Variants in CDH12 observed in about 807,000 individuals in gnomAD.
The protein encoded by CDH12 is cadherin-12.
CDH12 carries 41 observed loss-of-function variants against 74.1 expected under a neutral mutation model. The ratio of observed to expected loss-of-function variants is 0.55; its 90% CI spans 0.43 to 0.72. The LOEUF (loss-of-function observed/expected upper bound fraction) is 0.72. Ranked by LOEUF, CDH12 falls within the 30% of genes least tolerant of loss-of-function variation. CDH12 has a pLI of 0.00. For missense variants in CDH12, 945 were observed against 977.2 expected, an observed-to-expected ratio of 0.97 and a Z score of 0.44; for synonymous variants, 399 against 355.0, an observed-to-expected ratio of 1.12 and a Z score of -1.39.
At chr5:22,036,990 G>A (rs780934320) in intron 5 of CDH12, among the ~76,000 whole-genome samples, 20 of 152,206 alleles carry the variant, frequency 1.3e-4, no homozygotes, top group East Asian at 9.7e-4. Flanking sequence ...GGTAGTTTTT[G>A]TTAATCAACT....
At chr5:22,236,712 C>A (rs950855105) in intron 3 of CDH12, among the ~76,000 whole-genome samples, 1 of 152,074 alleles carries the variant, frequency 6.6e-6, no homozygotes, top group African/African-American at 2.4e-5. Flanking sequence ...TGCCACTGCA[C>A]GCCACTCTGG....
chr5:22,580,540 A>C, intron 1 of CDH12: 1 of 473,342 alleles, frequency 2.1e-6, no homozygotes, highest in Non-Finnish European at 4.3e-6. Flanking sequence ...ATGGTGGCTC[A>C]GAGATGCTCA....
chr5:21,936,394 T>C (rs1323196036), intron 6 of CDH12, among the ~76,000 whole-genome samples: 1 of 152,186 alleles, frequency 6.6e-6, no homozygotes, highest in Non-Finnish European at 1.5e-5. Flanking sequence ...TCATTCACTC[T>C]TTTATTTTTT....
chr5:22,025,009 C>T (rs554844764), intron 5 of CDH12, among the ~76,000 whole-genome samples: 2 of 152,170 alleles, frequency 1.3e-5, no homozygotes, highest in African/African-American at 4.8e-5. Flanking sequence ...CCAACTGATA[C>T]TCAGCTTAAA....
At chr5:22,339,266 T>C (rs140280343) in intron 3 of CDH12, among the ~76,000 whole-genome samples, 2 of 152,338 alleles carry the variant, frequency 1.3e-5, no homozygotes, top group Non-Finnish European at 2.9e-5. Context: ...AGACAAATCA[T>C]GCCCCTGAGC....
At chr5:22,361,209 G>A (rs908736009) in intron 3 of CDH12, among the ~76,000 whole-genome samples, 2 of 152,122 alleles carry the variant, frequency 1.3e-5, no homozygotes, top group African/African-American at 4.8e-5. Context: ...ATCTCCTTAG[G>A]CTGATAAGCA....
At chr5:22,666,414 C>G (rs1445693649) in intron 1 of CDH12, among the ~76,000 whole-genome samples, 7 of 151,100 alleles carry the variant, frequency 4.6e-5, no homozygotes, top group Non-Finnish European at 1.0e-4. Context: ...CTCAGCCTCC[C>G]GAGTAGCTGG....
At chr5:22,280,991 C>A (rs1002468796) in intron 3 of CDH12, among the ~76,000 whole-genome samples, 1 of 152,106 alleles carries the variant, frequency 6.6e-6, no homozygotes, top group Admixed American at 6.5e-5. Context: ...ACTGGCAAAC[C>A]GAATCCAGCA....
At chr5:22,425,095 G>C (rs1233273132) in intron 2 of CDH12, among the ~76,000 whole-genome samples, 1 of 146,170 alleles carries the variant, frequency 6.8e-6, no homozygotes, top group Non-Finnish European at 1.5e-5. Flanking sequence ...GAGAGAGAGA[G>C]AGAGAGAATT....
intron 3 of CDH12, among the ~76,000 whole-genome samples, chr5:22,282,249 G>A (rs1736921460): frequency 6.6e-6 from 1 of 152,052 alleles, no homozygotes; most frequent in Non-Finnish European, 1.5e-5. Context: ...AACTCAAGAT[G>A]GATTACAGAC....
intron 5 of CDH12, among the ~76,000 whole-genome samples, chr5:22,075,850 T>C (rs1407017230): frequency 2.0e-5 from 3 of 152,092 alleles, no homozygotes; most frequent in Non-Finnish European, 4.4e-5. Context: ...CCTTTTCCTT[T>C]GCTCTGAGTT....
At chr5:22,798,138 G>A (rs1748325034) in intron 1 of CDH12, among the ~76,000 whole-genome samples, 1 of 152,008 alleles carries the variant, frequency 6.6e-6, no homozygotes, top group African/African-American at 2.4e-5. Context: ...AATCCCACAG[G>A]TTGTCCTCAG....
chr5:22,532,379 G>T (rs10434618), intron 1 of CDH12, among the ~76,000 whole-genome samples: 1 of 22,642 alleles, frequency 4.4e-5, no homozygotes, highest in Non-Finnish European at 8.8e-5. Flanking sequence ...ATATATATAT[G>T]TATGTATCCT....
At chr5:22,416,670 A>G (rs1743406519) in intron 2 of CDH12, among the ~76,000 whole-genome samples, 1 of 152,192 alleles carries the variant, frequency 6.6e-6, no homozygotes, top group Admixed American at 6.5e-5. Flanking sequence ...AAAAAAAATA[A>G]GATTAGTATT....
At chr5:21,764,273 C>T (rs1160495988) in intron 12 of CDH12, among the ~76,000 whole-genome samples, 1 of 151,934 alleles carries the variant, frequency 6.6e-6, no homozygotes, top group Non-Finnish European at 1.5e-5. Flanking sequence ...ACTCGGGAGG[C>T]TGAGGCACAA....
At chr5:21,796,036 T>A (rs1426509092) in intron 10 of CDH12, among the ~76,000 whole-genome samples, 2 of 152,186 alleles carry the variant, frequency 1.3e-5, no homozygotes, top group East Asian at 3.9e-4. Flanking sequence ...TTTTGGTAGT[T>A]GAAAATGTTT....
At chr5:21,822,345 G>A (rs1218790471) in intron 8 of CDH12, among the ~76,000 whole-genome samples, 2 of 151,886 alleles carry the variant, frequency 1.3e-5, no homozygotes, top group East Asian at 3.9e-4. Context: ...ATGAAAGAAA[G>A]ACAGATCTTA....
At chr5:22,848,706 C>T (rs979409296) in intron 1 of CDH12, among the ~76,000 whole-genome samples, 2 of 152,110 alleles carry the variant, frequency 1.3e-5, no homozygotes, top group African/African-American at 4.8e-5. Context: ...AGAATTTCTT[C>T]AGTGTGTAAC....
chr5:22,203,812 CTG>C (rs1369619902), intron 4 of CDH12, among the ~76,000 whole-genome samples: 1 of 152,140 alleles, frequency 6.6e-6, no homozygotes, highest in Non-Finnish European at 1.5e-5. Flanking sequence ...TGATATCTCA[CTG>C]TGTTTGTAAT....
Sources: gnomAD v4.1 joint callset for allele counts (sites outside exome capture counted in the v4.1 genomes callset) on GRCh38, gnomAD v4.1.1 for gene constraint, MANE v1.5 for transcripts, NCBI Gene and HGNC (gene_info 2026-07-23, HGNC 2026-07-21) for gene names.